TM9SF4: variants seen among roughly 807,000 people sequenced by gnomAD.
The protein encoded by TM9SF4 is dinucleotide oxidase disulfide thiol exchanger 3 superfamily member 4.
TM9SF4 carries 26 observed loss-of-function variants against 90.4 expected under a neutral mutation model. The observed-to-expected ratio is 0.29, with a 90% CI of 0.21 to 0.40. The LOEUF (loss-of-function observed/expected upper bound fraction) is 0.40, where lower values mean the gene tolerates loss of function less well. Ranked by LOEUF, TM9SF4 falls within the 10% of genes least tolerant of loss-of-function variation. TM9SF4 has a pLI of 1.00. For missense variants in TM9SF4, 549 were observed against 834.8 expected (o/e 0.66, Z 4.22); for synonymous variants, 293 against 315.4 (o/e 0.93, Z 0.75).
chr20:32,113,818 T>C (rs1039604328), intron 1 of TM9SF4, among the ~76,000 whole-genome samples: 14 of 152,236 alleles, frequency 9.2e-5, no homozygotes, highest in African/African-American at 3.4e-4. Context: ...CACTCCCTAC[T>C]CTTCCCTCCC....
chr20:32,135,425 G>C (rs1283919195), intron 2 of TM9SF4, among the ~76,000 whole-genome samples: 1 of 152,190 alleles, frequency 6.6e-6, no homozygotes, highest in Non-Finnish European at 1.5e-5. Context: ...TCCTTATAGA[G>C]CTTAAATCTT....
At chr20:32,116,830 C>G (rs970979576) in intron 1 of TM9SF4, among the ~76,000 whole-genome samples, 1 of 70,270 alleles carries the variant, frequency 1.4e-5, no homozygotes. Flanking sequence ...AAGCCTTTTT[C>G]TTTTTTTTTT....
intron 5 of TM9SF4, among the ~76,000 whole-genome samples, chr20:32,142,473 G>A (rs150160411): frequency 1.1e-3 from 170 of 152,318 alleles, no homozygotes; most frequent in African/African-American, 3.9e-3. Flanking sequence ...CCCAAAGGGC[G>A]TCTGTCCTAA....
At chr20:32,147,501 A>C (rs892617660) in intron 9 of TM9SF4, among the ~76,000 whole-genome samples, 3 of 151,920 alleles carry the variant, frequency 2.0e-5, no homozygotes, top group African/African-American at 2.4e-5. Flanking sequence ...ATCTGCAACA[A>C]ACTTGAAAAA....
intron 1 of TM9SF4, among the ~76,000 whole-genome samples, chr20:32,123,868 T>TATATATATATATATA (rs1161883493): frequency 2.3e-5 from 1 of 43,116 alleles, no homozygotes; most frequent in African/African-American, 9.2e-5. Context: ...ATATATATAT[T>TATATATATATATATA]TTTTTTTTTA....
chr20:32,112,932 G>A (rs759063013), intron 1 of TM9SF4, among the ~76,000 whole-genome samples: 1 of 152,146 alleles, frequency 6.6e-6, no homozygotes, highest in Non-Finnish European at 1.5e-5. Flanking sequence ...TATTACAGGG[G>A]TATGTGATGA....
intron 3 of TM9SF4, among the ~76,000 whole-genome samples, chr20:32,140,987 A>G (rs754694410): frequency 5.9e-5 from 9 of 151,986 alleles, no homozygotes; most frequent in South Asian, 2.1e-4. Flanking sequence ...GGAGGCTGAG[A>G]TGGGCAGATC....
At chr20:32,155,270 T>A (rs930600044) in intron 13 of TM9SF4, 84 bp downstream of exon 13, 10 of 1,133,928 alleles carry the variant, frequency 8.8e-6, no homozygotes, top group African/African-American at 1.5e-5. Context: ...AGCCACTTCC[T>A]GCCATTCCCT....
Position 32,167,236 on chromosome 20 carries a change from A to C in TM9SF4, c.*1792A>C, listed in dbSNP as rs1030041710. 2 of 152,134 alleles carry C rather than the reference A, an allele frequency of 1.3e-5. No individual in the cohort carries two copies. 9.4% of individuals were successfully genotyped at this position (152,134 alleles called of 1,614,324 possible). ...ATGCCTTTTTTTGGTCGGATTGTAA[A>C]TAAATATACCATTGTCCTACTGTTT... is the stretch of plus-strand genomic sequence containing the variant. On this transcript the variant is annotated 3_prime_UTR_variant, in exon 18 of 18. Coordinates refer to ENST00000398022, the MANE Select transcript of TM9SF4 (RefSeq NM_014742.4).
In TM9SF4 at chr20:32,152,102, C is replaced by T. The variant is rs1179842701; in HGVS notation, c.1245+1227C>T. On this transcript the variant is annotated intron_variant, in intron 12 of 17. Coordinates refer to ENST00000398022, the MANE Select transcript of TM9SF4 (RefSeq NM_014742.4). ...AGCCAGGATGGTCTCGATCTCCTGA[C>T]CTCATGATCCGCCCGCCTCGGCCTC... Among the ~76,000 whole-genome samples the T allele has an allele frequency of 2.6e-5, 4 of 151,844 alleles. No individual in the cohort carries two copies. In the East Asian group the frequency reaches 5.8e-4, roughly 22 times the overall value.
At chr20:32,131,564 G>T (rs535138758) in intron 1 of TM9SF4, among the ~76,000 whole-genome samples, 47 of 152,084 alleles carry the variant, frequency 3.1e-4, no homozygotes, top group Non-Finnish European at 5.1e-4. Flanking sequence ...GGATGGGAGG[G>T]CTGTGGAGAC....
intron 1 of TM9SF4, among the ~76,000 whole-genome samples, chr20:32,125,263 T>C (rs760566352): frequency 6.6e-6 from 1 of 152,220 alleles, no homozygotes; most frequent in Non-Finnish European, 1.5e-5. Context: ...AAGTGCTCTG[T>C]GAACTTTATT....
At chr20:32,123,658 A>G (rs1455942560) in intron 1 of TM9SF4, among the ~76,000 whole-genome samples, 1 of 150,644 alleles carries the variant, frequency 6.6e-6, no homozygotes, top group Non-Finnish European at 1.5e-5. Flanking sequence ...ATACATTTAT[A>G]TATACATTTT....
intron 3 of TM9SF4, among the ~76,000 whole-genome samples, chr20:32,138,335 CT>C: frequency 6.6e-6 from 1 of 152,272 alleles, no homozygotes; most frequent in South Asian, 2.1e-4. Context: ...AAAAGGAGTA[CT>C]TCCATGTATA....
intron 1 of TM9SF4, among the ~76,000 whole-genome samples, chr20:32,130,458 C>T (rs1052667121): frequency 6.6e-6 from 1 of 152,094 alleles, no homozygotes; most frequent in Non-Finnish European, 1.5e-5. Flanking sequence ...AAAAAGAGGG[C>T]AGGGTTTATT....
chr20:32,164,169 G>A (rs1187362319), intron 17 of TM9SF4, among the ~76,000 whole-genome samples: 1 of 151,944 alleles, frequency 6.6e-6, no homozygotes. Flanking sequence ...TTTTACCACG[G>A]TTCTGCTCCT....
intron 3 of TM9SF4, among the ~76,000 whole-genome samples, chr20:32,138,722 C>T (rs1003739021): frequency 1.3e-5 from 2 of 152,170 alleles, no homozygotes; most frequent in African/African-American, 4.8e-5. Context: ...CCTTTCTTGG[C>T]TAAACTTAAT....
Position 32,149,890 on chromosome 20 carries a change from G to A in TM9SF4, c.1087+124G>A. ...CAAGCTCCTGGCACCAAGTGGGCAT[G>A]TCAGTATCTCTGGGCCAGACAGGCC... On this transcript the variant is annotated intron_variant, in intron 10 of 17. Coordinates refer to ENST00000398022, the MANE Select transcript of TM9SF4 (RefSeq NM_014742.4). 20 of 1,373,314 alleles carry A rather than the reference G, an allele frequency of 1.5e-5. 1 individual carries two copies. In the South Asian group the frequency reaches 2.7e-4, roughly 19 times the overall value. The allele number at this position is 1,373,314 out of a possible 1,614,324, so 85.1% of individuals were successfully genotyped here. A position where few individuals can be genotyped will look rare whatever the true frequency, so the allele number is the denominator to read the frequency against.
chr20:32,149,487 G>A, intron 9 of TM9SF4, 147 bp from the exon 10 acceptor site: 6 of 1,005,406 alleles, frequency 6.0e-6, no homozygotes, highest in Non-Finnish European at 8.8e-6. Context: ...GACAGTTTCA[G>A]ATAAGCACTT....
Sources: allele counts gnomAD v4.1 joint callset (sites outside exome capture counted in the v4.1 genomes callset), GRCh38; gene constraint gnomAD v4.1.1; transcripts MANE v1.5; gene names NCBI Gene and HGNC (gene_info 2026-07-23, HGNC 2026-07-21).